The following DBF4 variants were observed in gnomAD, a reference collection of about 807,000 sequenced individuals.
The protein encoded by DBF4 is protein DBF4 homolog A.
A neutral mutation model predicts 76.6 loss-of-function variants in DBF4; 25 were observed. The observed-to-expected ratio is 0.33, with a 90% CI of 0.24 to 0.46. The LOEUF (loss-of-function observed/expected upper bound fraction) is 0.46, where lower values mean the gene tolerates loss of function less well. Ranked by LOEUF, DBF4 falls within the 20% of genes least tolerant of loss-of-function variation. The pLI, the probability that DBF4 is intolerant of heterozygous loss-of-function variation, is 1.00. For synonymous variants in DBF4, 213 were observed against 258.0 expected, an observed-to-expected ratio of 0.83 and a Z score of 1.67; for missense variants, 638 against 760.8, an observed-to-expected ratio of 0.84 and a Z score of 1.90.
intron 6 of DBF4, among the ~76,000 whole-genome samples, chr7:87,891,653 T>G (rs562791563): frequency 2.2e-4 from 33 of 152,288 alleles, no homozygotes; most frequent in African/African-American, 7.9e-4. Context: ...ATAATGCTAT[T>G]TTGTGTCTAT....
At chr7:87,898,923 G>GATATGTTTATTTCT (rs1839703514) in intron 8 of DBF4, among the ~76,000 whole-genome samples, 1 of 151,924 alleles carries the variant, frequency 6.6e-6, no homozygotes, top group South Asian at 2.1e-4. Context: ...GAATAGAATA[G>GATATGTTTATTTCT]AGAGCCTAGA....
intron 3 of DBF4, 65 bp from the exon 4 acceptor site, chr7:87,886,779 C>A: frequency 9.9e-7 from 1 of 1,009,460 alleles, no homozygotes; most frequent in Non-Finnish European, 1.5e-6. Context: ...TTCTTAGCTG[C>A]TTTACCTTTT....
rs1839045922 is a variant in DBF4 at position 87,876,638 on chromosome 7, GC to G, written c.-93del. 9 of 1,377,570 alleles carry G rather than the reference GC, an allele frequency of 6.5e-6. No individual in the cohort carries two copies. The highest frequency in any genetic ancestry group is 9.1e-6 in the Non-Finnish European group (9 of 984,610). The allele number at this position is 1,377,570 out of a possible 1,614,324, so 85.3% of individuals were successfully genotyped here. On this transcript the variant is annotated 5_prime_UTR_variant, in exon 1 of 12. Coordinates refer to ENST00000265728, the MANE Select transcript of DBF4 (RefSeq NM_006716.4). ...CGTAGCTGGCGGAAGGAGAGAGGCG[GC>G]CGTCCTGTCAACAGGCCGGGGGAAG... is the stretch of plus-strand genomic sequence containing the variant.
At chr7:87,882,358 C>A (rs545189318) in intron 2 of DBF4, among the ~76,000 whole-genome samples, 1 of 152,076 alleles carries the variant, frequency 6.6e-6, no homozygotes, top group African/African-American at 2.4e-5. Context: ...TTTGTAAGAA[C>A]TGAAACTCTT....
chr7:87,904,194 A>G (rs549931385), intron 10 of DBF4, 98 bp from the exon 11 acceptor site: 10 of 1,290,146 alleles, frequency 7.8e-6, no homozygotes, highest in African/African-American at 4.5e-5. Flanking sequence ...TTGGAAACCT[A>G]ATTTTAGGGG....
At chr7:87,892,714 AGTTCCT>A (rs1359110833) in intron 6 of DBF4, among the ~76,000 whole-genome samples, 17 of 152,162 alleles carry the variant, frequency 1.1e-4, no homozygotes, top group African/African-American at 4.1e-4. Flanking sequence ...AATGAATGAG[AGTTCCT>A]GTTGCTGATA....
rs1043485587 is a variant in DBF4 at position 87,895,815 on chromosome 7, A to C, written c.598-659A>C. 2.0e-5 allele frequency among the ~76,000 whole-genome samples: 3 copies of C among 152,136 alleles called. No individual in the cohort carries two copies. The East Asian group carries it at 5.8e-4, about 29-fold the overall frequency. On this transcript the variant is annotated intron_variant, in intron 6 of 11. Coordinates refer to ENST00000265728, the MANE Select transcript of DBF4 (RefSeq NM_006716.4). Reference sequence around the variant, plus strand: ...ACTACCTTTACAATCTCAGCCTCCTAATTGGGACCCACCCTCAGGGCAGAA... The same window carrying C: ...ACTACCTTTACAATCTCAGCCTCCTCATTGGGACCCACCCTCAGGGCAGAA...
intron 5 of DBF4, among the ~76,000 whole-genome samples, 177 bp downstream of exon 5, chr7:87,887,575 T>C (rs961067403): frequency 6.6e-6 from 1 of 152,188 alleles, no homozygotes; most frequent in African/African-American, 2.4e-5. Context: ...ATTTATTTCT[T>C]ACAGTTATGG....
At chr7:87,900,901 G>A (rs759565440) in intron 10 of DBF4, 23 bp downstream of exon 10, 2 of 1,591,270 alleles carry the variant, frequency 1.3e-6, no homozygotes, top group African/African-American at 1.3e-5. Context: ...TTATATTTTG[G>A]GGGCTTGTTT....
At chr7:87,898,920 A>C (rs1839703344) in intron 8 of DBF4, among the ~76,000 whole-genome samples, 1 of 152,224 alleles carries the variant, frequency 6.6e-6, no homozygotes, top group South Asian at 2.1e-4. Flanking sequence ...ATGGAATAGA[A>C]TAGAGAGCCT....
At chr7:87,878,375 A>G in intron 2 of DBF4, 150 bp downstream of exon 2, 1 of 643,432 alleles carries the variant, frequency 1.6e-6, no homozygotes, top group South Asian at 2.3e-5. Flanking sequence ...ACAAAAAACC[A>G]TTTGTTTTAA....
chr7:87,876,577 C>T lies in DBF4; in HGVS notation c.-156C>T. The T allele has an allele frequency of 1.3e-6, 1 of 778,494 alleles. No individual in the cohort carries two copies. The highest frequency in any genetic ancestry group is 2.1e-6 in the Non-Finnish European group (1 of 479,230). The allele number at this position is 778,494 out of a possible 1,614,324, so 48.2% of individuals were successfully genotyped here. On this transcript the variant is annotated 5_prime_UTR_variant, in exon 1 of 12. Coordinates refer to ENST00000265728, the MANE Select transcript of DBF4 (RefSeq NM_006716.4). The stretch of plus-strand genomic sequence containing the variant: ...GGAGCCGGATCCGGCCCCGGAAACC[C>T]GACCTGCAGACGCGGTACCTCTACT...
chr7:87,904,740 C>G (rs950360604), intron 11 of DBF4, among the ~76,000 whole-genome samples: 1 of 151,880 alleles, frequency 6.6e-6, no homozygotes, highest in Non-Finnish European at 1.5e-5. Flanking sequence ...GACTCCGTCT[C>G]AAAAATAAAT....
At chr7:87,901,440 G>T (rs1405379976) in intron 10 of DBF4, among the ~76,000 whole-genome samples, 1 of 152,200 alleles carries the variant, frequency 6.6e-6, no homozygotes, top group East Asian at 1.9e-4. Context: ...TGGTCAGATT[G>T]TGGATTTGTT....
chr7:87,876,518 C>T lies in DBF4; in HGVS notation c.-215C>T. On this transcript the variant is annotated 5_prime_UTR_variant, in exon 1 of 12. Transcript: ENST00000265728. ...AAATCTTCAACCGCCGCAGCCCACT[C>T]GTTTGTGCTTTGCGCCTTCCTCCTC... 3.4e-6 allele frequency: 2 copies of T among 588,276 alleles called. No homozygotes were observed. Among genetic ancestry groups the T allele is most frequent in the Admixed American group, 2.9e-5 (1 of 33,932 alleles). 36.4% of individuals were successfully genotyped at this position (588,276 alleles called of 1,614,324 possible). A position where few individuals can be genotyped will look rare whatever the true frequency, so the allele number is the denominator to read the frequency against.
At chr7:87,892,695 C>G (rs761381779) in intron 6 of DBF4, among the ~76,000 whole-genome samples, 130 of 152,188 alleles carry the variant, frequency 8.5e-4, no homozygotes, top group South Asian at 2.7e-3. Flanking sequence ...ATTTTGTATT[C>G]CCACCAGCAA....
At chr7:87,888,146 A>G in intron 6 of DBF4, 87 bp downstream of exon 6, 1 of 1,432,436 alleles carries the variant, frequency 7.0e-7, no homozygotes, top group East Asian at 2.5e-5. Flanking sequence ...AGCAGAAAAT[A>G]TCCTAGGGGC....
At chr7:87,897,255 G>A (rs1839666038) in intron 7 of DBF4, 39 bp from the exon 8 acceptor site, 3 of 1,529,174 alleles carry the variant, frequency 2.0e-6, no homozygotes, top group Admixed American at 2.0e-5. Flanking sequence ...AAAGAATCCT[G>A]AATTTGCAAG....
intron 2 of DBF4, among the ~76,000 whole-genome samples, chr7:87,879,368 TAAACTA>T (rs1213016357): frequency 1.3e-5 from 2 of 152,244 alleles, no homozygotes; most frequent in Non-Finnish European, 2.9e-5. Flanking sequence ...TTCATTTTGT[TAAACTA>T]AAACACTGTC....
Sources: allele counts gnomAD v4.1 joint callset (sites outside exome capture counted in the v4.1 genomes callset), GRCh38; gene constraint gnomAD v4.1.1; transcripts MANE v1.5; gene names NCBI Gene and HGNC (gene_info 2026-07-23, HGNC 2026-07-21).